LRP1B: variants seen among roughly 807,000 people sequenced by gnomAD.
LRP1B encodes LDL receptor related protein 1B, also known as low-density lipoprotein receptor-related protein 1B.
In LRP1B, 217 loss-of-function variants were observed where a neutral mutation model predicts 556.6. That is an observed-to-expected ratio of 0.39 (90% CI 0.35 to 0.44). The LOEUF is 0.44. LRP1B is among the 20% of genes least tolerant of loss of function. The pLI is 1.00. For missense variants in LRP1B, 5,053 were observed against 5,620.8 expected (o/e 0.90, Z 3.23); for synonymous variants, 2,047 against 1,865.8 (o/e 1.10, Z -2.50).
chr2:140,888,975 A>C (rs1326672673), intron 23 of LRP1B, among the ~76,000 whole-genome samples: 3 of 151,670 alleles, frequency 2.0e-5, no homozygotes, highest in East Asian at 1.9e-4. Flanking sequence ...AAAAAAAAAA[A>C]AAAAACTTGA....
At chr2:140,567,216 C>T (rs964551645) in intron 43 of LRP1B, among the ~76,000 whole-genome samples, 1 of 152,068 alleles carries the variant, frequency 6.6e-6, no homozygotes, top group African/African-American at 2.4e-5. Flanking sequence ...ATTGAGCTGC[C>T]CCTTGCCCCC....
At chr2:141,403,551 G>C (rs1559051359) in intron 3 of LRP1B, among the ~76,000 whole-genome samples, 1 of 152,062 alleles carries the variant, frequency 6.6e-6, no homozygotes, top group Non-Finnish European at 1.5e-5. Flanking sequence ...TGTGATTTTA[G>C]CTAAGTTTCA....
At chr2:141,298,356 A>T (rs1488642874) in intron 3 of LRP1B, among the ~76,000 whole-genome samples, 1 of 152,128 alleles carries the variant, frequency 6.6e-6, no homozygotes, top group Non-Finnish European at 1.5e-5. Context: ...AAAACTAATC[A>T]TGTAATTTAA....
chr2:140,574,841 A>G (rs1219951984), intron 43 of LRP1B, among the ~76,000 whole-genome samples: 2 of 152,192 alleles, frequency 1.3e-5, no homozygotes, highest in Non-Finnish European at 2.9e-5. Context: ...GAAAAAAGTA[A>G]TTAACCAATA....
rs545022685 is a variant in LRP1B at position 141,753,117 on chromosome 2, A to G, written c.205+57162T>C. Among the ~76,000 whole-genome samples, 421 of 147,242 alleles carry G rather than the reference A, an allele frequency of 2.9e-3. 3 individuals carry two copies. The highest frequency in any genetic ancestry group is 4.9e-3 in the Non-Finnish European group (328 of 66,596). On this transcript the variant is annotated intron_variant, in intron 2 of 90. Transcript: ENST00000389484. The stretch of plus-strand genomic sequence containing the variant: ...TATAAAATTAGCTGGGCATGGTGGC[A>G]TATGCCTGTAATCCCAGCTACTCGG...
chr2:140,491,115 T>G (rs1340782768), intron 57 of LRP1B, among the ~76,000 whole-genome samples: 2 of 152,074 alleles, frequency 1.3e-5, no homozygotes, highest in Non-Finnish European at 2.9e-5. Flanking sequence ...TGACAACACA[T>G]TATCTGTGAA....
In LRP1B at chr2:140,502,633, C is replaced by G. The variant is rs139885628; in HGVS notation, c.8662+330G>C. ...TTCACAGTAAATTTTAACTTTTTTG[C>G]ATTTGAATTTTCAAATAGGCCAATA... On this transcript the variant is annotated intron_variant, in intron 54 of 90. Coordinates refer to ENST00000389484, the MANE Select transcript of LRP1B (RefSeq NM_018557.3). 4.4e-3 allele frequency among the ~76,000 whole-genome samples: 665 copies of G among 151,936 alleles called. 6 individuals carry two copies. The highest frequency in any genetic ancestry group is 0.016 in the African/African-American group (647 of 41,472).
rs1400316772 is a variant in LRP1B at position 141,055,164 on chromosome 2, G to A, written c.1504C>T (p.Arg502Cys). 1.3e-5 allele frequency: 21 copies of A among 1,612,216 alleles called. No homozygotes were observed. Among genetic ancestry groups the A allele is most frequent in the African/African-American group, 2.7e-5 (2 of 74,770 alleles). Residue 502 changes from arginine (R) to cysteine (C), a missense_variant, in exon 10 of 91, where the codon CGC becomes TGC. Arg to Cys is a radical substitution (Grantham distance 180). Around this residue, in one of 5 missense-constraint regions of LRP1B, gnomAD observed 3,619 missense variants for 3,931.9 expected, o/e 0.92. Coordinates refer to ENST00000389484, the MANE Select transcript of LRP1B (RefSeq NM_018557.3). Reference sequence around the variant, plus strand: ...CCCAAGTTGAAGCCAGTCCTGCAGCGACAAGTCCGAGTTTTGTAACTGCTG... The same window carrying A: ...CCCAAGTTGAAGCCAGTCCTGCAGCAACAAGTCCGAGTTTTGTAACTGCTG... Reference protein sequence around the residue: ...LSSSYKTRTCRCRTGFNLGSD... With the variant: ...LSSSYKTRTCCCRTGFNLGSD...
At chr2:140,659,468 G>A (rs1404185446) in intron 41 of LRP1B, among the ~76,000 whole-genome samples, 1 of 151,980 alleles carries the variant, frequency 6.6e-6, no homozygotes, top group African/African-American at 2.4e-5. Flanking sequence ...GACCAACTTT[G>A]CAGTGTACTG....
At chr2:140,917,664 C>T (rs1327766727) in intron 21 of LRP1B, among the ~76,000 whole-genome samples, 2 of 152,044 alleles carry the variant, frequency 1.3e-5, no homozygotes, top group South Asian at 2.1e-4. Flanking sequence ...GTAAAAAGAT[C>T]AGTAGCTTCC....
At chr2:140,327,477 A>T (rs151039886) in intron 79 of LRP1B, among the ~76,000 whole-genome samples, 125 of 152,162 alleles carry the variant, frequency 8.2e-4, no homozygotes, top group African/African-American at 2.9e-3. Flanking sequence ...ATGTAAGAAG[A>T]TATGTTTTTG....
intron 2 of LRP1B, among the ~76,000 whole-genome samples, chr2:141,521,062 A>T (rs546172758): frequency 6.6e-6 from 1 of 152,102 alleles, no homozygotes; most frequent in Non-Finnish European, 1.5e-5. Flanking sequence ...CTAGGCATAC[A>T]ATCAACCTTA....
chr2:142,067,861 T>C (rs1179700412), intron 1 of LRP1B, among the ~76,000 whole-genome samples: 1 of 151,646 alleles, frequency 6.6e-6, no homozygotes, highest in Non-Finnish European at 1.5e-5. Flanking sequence ...GTGAGCCATA[T>C]GTTATTTTCC....
chr2:140,550,904 A>C (rs1475337765), intron 43 of LRP1B, among the ~76,000 whole-genome samples: 2 of 152,178 alleles, frequency 1.3e-5, no homozygotes, highest in East Asian at 1.9e-4. Flanking sequence ...TTTAGAGGTA[A>C]TTAGGCTTAG....
intron 20 of LRP1B, among the ~76,000 whole-genome samples, chr2:140,937,816 C>T (rs1695273971): frequency 6.6e-6 from 1 of 151,922 alleles, no homozygotes; most frequent in African/African-American, 2.4e-5. Context: ...AATTTCCTCT[C>T]TCTCTATGCT....
chr2:142,130,504 G>T (rs1049256597), intron 1 of LRP1B, 144 bp downstream of exon 1: 12 of 663,250 alleles, frequency 1.8e-5, no homozygotes, highest in Admixed American at 1.5e-4. Flanking sequence ...TCTCACCCCC[G>T]CACAGGGCCA....
intron 35 of LRP1B, among the ~76,000 whole-genome samples, chr2:140,718,619 G>GC (rs1687291814): frequency 6.7e-6 from 1 of 149,716 alleles, no homozygotes; most frequent in Non-Finnish European, 1.5e-5. Context: ...ATTCCCAAAG[G>GC]AAAAAAAAAT....
chr2:140,517,873 G>T (rs1372745756), intron 49 of LRP1B, among the ~76,000 whole-genome samples: 1 of 151,758 alleles, frequency 6.6e-6, no homozygotes, highest in Admixed American at 6.6e-5. Flanking sequence ...ACCATGCCCG[G>T]CTAATTTTTG....
intron 3 of LRP1B, among the ~76,000 whole-genome samples, chr2:141,360,848 A>G (rs1006433000): frequency 6.6e-6 from 1 of 152,228 alleles, no homozygotes; most frequent in Non-Finnish European, 1.5e-5. Flanking sequence ...AAACCCAAAT[A>G]CACAAGCATA....
Sources: allele counts gnomAD v4.1 joint callset (sites outside exome capture counted in the v4.1 genomes callset), GRCh38; gene constraint gnomAD v4.1.1; regional missense constraint gnomAD v4.1.1; transcripts MANE v1.5; gene names NCBI Gene and HGNC (gene_info 2026-07-23, HGNC 2026-07-21).